Variants in ESRRG observed in about 807,000 individuals in gnomAD.
ESRRG encodes the protein estrogen related receptor gamma.
A neutral mutation model predicts 44.0 loss-of-function variants in ESRRG; 13 were observed. The observed-to-expected ratio is 0.30, with a 90% confidence interval of 0.19 to 0.47. The LOEUF (loss-of-function observed/expected upper bound fraction) is 0.47, where lower values mean the gene tolerates loss of function less well. ESRRG is among the 20% of genes least tolerant of loss of function. The pLI is 1.00. For missense variants in ESRRG, 395 were observed against 580.6 expected (o/e 0.68, Z 3.29); for synonymous variants, 215 against 214.6 (o/e 1.00, Z -0.02).
chr1:216,575,700 G>A (rs2061569008), intron 3 of ESRRG, among the ~76,000 whole-genome samples: 1 of 152,056 alleles, frequency 6.6e-6, no homozygotes, highest in African/African-American at 2.4e-5. Flanking sequence ...ACGTTCTTAA[G>A]CACTATGTTT....
At chr1:216,835,887 C>T (rs1031045911) in intron 2 of ESRRG, among the ~76,000 whole-genome samples, 1 of 151,984 alleles carries the variant, frequency 6.6e-6, no homozygotes, top group Non-Finnish European at 1.5e-5. Flanking sequence ...AGAACAAAAC[C>T]GCTTGATTTA....
At chr1:217,133,653 T>TTCTCTCTCTCTC (rs1465529898) in intron 1 of ESRRG, among the ~76,000 whole-genome samples, 2 of 44,844 alleles carry the variant, frequency 4.5e-5, no homozygotes, top group African/African-American at 9.7e-5. Context: ...CTCTCTTTCT[T>TTCTCTCTCTCTC]TCTTTCTTTC....
At chr1:216,683,805 T>C (rs1179386057) in intron 1 of ESRRG, among the ~76,000 whole-genome samples, 1 of 152,052 alleles carries the variant, frequency 6.6e-6, no homozygotes, top group Non-Finnish European at 1.5e-5. Context: ...GGTTGTAGAG[T>C]TCAATGGTCC....
intron 1 of ESRRG, among the ~76,000 whole-genome samples, chr1:216,996,127 G>C (rs1012985333): frequency 6.6e-6 from 1 of 152,176 alleles, no homozygotes; most frequent in Non-Finnish European, 1.5e-5. Context: ...ATCAGTGATT[G>C]CTATAAACAA....
intron 1 of ESRRG, among the ~76,000 whole-genome samples, chr1:216,980,785 C>T (rs1222167385): frequency 2.6e-5 from 4 of 152,304 alleles, no homozygotes; most frequent in Admixed American, 1.3e-4. Flanking sequence ...CAACTCTGTT[C>T]ATTAATTGAA....
chr1:216,691,158 G>C (rs1031964247), intron 1 of ESRRG, among the ~76,000 whole-genome samples: 2 of 152,084 alleles, frequency 1.3e-5, no homozygotes, highest in Non-Finnish European at 2.9e-5. Context: ...CTTTGGTTTG[G>C]CTTTGGCAAT....
chr1:216,788,057 GTCATCAC>G (rs2094191905), intron 2 of ESRRG, among the ~76,000 whole-genome samples: 1 of 152,170 alleles, frequency 6.6e-6, no homozygotes, highest in Non-Finnish European at 1.5e-5. Context: ...AAAGAAAGAA[GTCATCAC>G]CATAATATAA....
intron 3 of ESRRG, among the ~76,000 whole-genome samples, chr1:216,620,917 G>A (rs2062121931): frequency 6.6e-6 from 1 of 152,148 alleles, no homozygotes; most frequent in Admixed American, 6.5e-5. Flanking sequence ...CTCTAGATAT[G>A]TTTGGCTTAC....
At chr1:216,622,444 T>G (rs1208578395) in intron 3 of ESRRG, among the ~76,000 whole-genome samples, 1 of 152,188 alleles carries the variant, frequency 6.6e-6, no homozygotes, top group African/African-American at 2.4e-5. Flanking sequence ...CTCTGATCCT[T>G]CTCAACTGAA....
intron 2 of ESRRG, among the ~76,000 whole-genome samples, chr1:216,785,615 A>C (rs1002431251): frequency 6.6e-6 from 1 of 152,108 alleles, no homozygotes; most frequent in Non-Finnish European, 1.5e-5. Flanking sequence ...TATGCAATAA[A>C]AACCAAACAA....
At chr1:216,628,437 G>A (rs1253922213) in intron 3 of ESRRG, among the ~76,000 whole-genome samples, 2 of 152,138 alleles carry the variant, frequency 1.3e-5, no homozygotes, top group African/African-American at 4.8e-5. Context: ...AAATCCTAAA[G>A]ACTCAAGCTA....
At chr1:216,879,257 G>A (rs1256178206) in intron 2 of ESRRG, among the ~76,000 whole-genome samples, 2 of 152,070 alleles carry the variant, frequency 1.3e-5, no homozygotes, top group Non-Finnish European at 2.9e-5. Context: ...TTTGGTAAAT[G>A]GTTATGGAGC....
At chr1:216,661,275 T>C (rs975537831) in intron 2 of ESRRG, among the ~76,000 whole-genome samples, 1 of 152,172 alleles carries the variant, frequency 6.6e-6, no homozygotes, top group Non-Finnish European at 1.5e-5. Context: ...AGGTGACCAC[T>C]GCCACAAGAA....
At chr1:216,692,974 A>G (rs1163471834) in intron 1 of ESRRG, among the ~76,000 whole-genome samples, 2 of 152,226 alleles carry the variant, frequency 1.3e-5, no homozygotes, top group Non-Finnish European at 2.9e-5. Context: ...ATTTCCCAGA[A>G]CATATCCTTG....
intron 6 of ESRRG, 138 bp from the exon 7 acceptor site, chr1:216,507,321 G>T: frequency 1.9e-6 from 1 of 517,382 alleles, no homozygotes; most frequent in Non-Finnish European, 3.3e-6. Flanking sequence ...TCAGAGTCTT[G>T]CATTTCTACA....
intron 3 of ESRRG, among the ~76,000 whole-genome samples, chr1:216,639,040 G>C (rs2065866080): frequency 6.6e-6 from 1 of 152,062 alleles, no homozygotes; most frequent in African/African-American, 2.4e-5. Flanking sequence ...CATTTAATTG[G>C]CTTCAAATAT....
At chr1:217,119,256 T>C (rs1332567037) in intron 1 of ESRRG, among the ~76,000 whole-genome samples, 2 of 152,186 alleles carry the variant, frequency 1.3e-5, no homozygotes, top group Non-Finnish European at 2.9e-5. Flanking sequence ...AGACCATTTA[T>C]TGAATTAGCT....
At chr1:216,528,657 C>A (rs1355736760) in intron 5 of ESRRG, among the ~76,000 whole-genome samples, 1 of 152,038 alleles carries the variant, frequency 6.6e-6, no homozygotes, top group East Asian at 1.9e-4. Flanking sequence ...AATTTTTAGG[C>A]AATCCCAACC....
intron 2 of ESRRG, among the ~76,000 whole-genome samples, chr1:216,750,050 C>A (rs867867112): frequency 6.6e-6 from 1 of 152,158 alleles, no homozygotes; most frequent in African/African-American, 2.4e-5. Flanking sequence ...AAGAGGACCA[C>A]AAATGAATCA....
Sources: gnomAD v4.1 joint callset for allele counts (sites outside exome capture counted in the v4.1 genomes callset) on GRCh38, gnomAD v4.1.1 for gene constraint, MANE v1.5 for transcripts, NCBI Gene and HGNC (gene_info 2026-07-23, HGNC 2026-07-21) for gene names.